Variants in PCDH15 observed in about 807,000 individuals in gnomAD.
PCDH15 encodes protocadherin-15.
A neutral mutation model predicts 178.5 loss-of-function variants in PCDH15; 129 were observed. The observed-to-expected ratio is 0.72, with a 90% CI of 0.63 to 0.84. The LOEUF (loss-of-function observed/expected upper bound fraction) is 0.84, where lower values mean the gene tolerates loss of function less well. Ranked by LOEUF, PCDH15 falls within the 40% of genes least tolerant of loss-of-function variation. PCDH15 has a pLI of 0.00. For synonymous variants in PCDH15, 800 were observed against 732.0 expected (o/e 1.09, Z -1.50); for missense variants, 2,230 against 2,099.9 (o/e 1.06, Z -1.21).
At chr10:54,523,420 A>G (rs2083077339) in intron 3 of PCDH15, among the ~76,000 whole-genome samples, 1 of 152,170 alleles carries the variant, frequency 6.6e-6, no homozygotes, top group South Asian at 2.1e-4. Flanking sequence ...AAAAGTAATT[A>G]TACATTCTTT....
At chr10:54,798,571 T>C in intron 1 of PCDH15, among the ~76,000 whole-genome samples, 1 of 152,076 alleles carries the variant, frequency 6.6e-6, no homozygotes. Context: ...CTAAGAACTC[T>C]TTTAAAAAAT....
intron 8 of PCDH15, among the ~76,000 whole-genome samples, chr10:54,316,263 T>C (rs1361576627): frequency 6.6e-6 from 1 of 152,106 alleles, no homozygotes. Context: ...AATAGATGTA[T>C]TAATATTATA....
intron 15 of PCDH15, among the ~76,000 whole-genome samples, chr10:54,100,682 G>T (rs935025470): frequency 6.6e-6 from 1 of 152,052 alleles, no homozygotes; most frequent in Non-Finnish European, 1.5e-5. Context: ...AAAAAAAATC[G>T]ATTTGTAAAG....
At chr10:54,958,899 G>C (rs1328798140) in intron 2 of PCDH15, among the ~76,000 whole-genome samples, 2 of 151,866 alleles carry the variant, frequency 1.3e-5, no homozygotes, top group Non-Finnish European at 2.9e-5. Flanking sequence ...AACTGACTCA[G>C]AATAGTTCAT....
In PCDH15 at chr10:55,547,910, T is replaced by TGTGTGTGTGAGAGAGAGA. The variant is rs541144266; in HGVS notation, c.-156+79714_-156+79715insTCTCTCTCTCACACACAC. Among the ~76,000 whole-genome samples, 80 of 54,516 alleles carry TGTGTGTGTGAGAGAGAGA rather than the reference T, an allele frequency of 1.5e-3. 2 individuals are homozygous for TGTGTGTGTGAGAGAGAGA. The highest frequency in any genetic ancestry group is 3.3e-3 in the East Asian group (6 of 1,802). 35.8% of individuals were successfully genotyped at this position (54,516 alleles called of 152,430 possible). Reference sequence around the variant, plus strand: ...TGGTGTGTGTGTCTGTGTGTGTGTGTGAGAGAGAGAGAGAGAGAGAGAGAG... The same window carrying TGTGTGTGTGAGAGAGAGA: ...TGGTGTGTGTGTCTGTGTGTGTGTGTGTGTGTGTGAGAGAGAGAGAGAGAGAGAGAGAGAGAGAGAGAG... On this transcript the variant is annotated intron_variant, in intron 2 of 5. Coordinates refer to the PCDH15 transcript ENST00000613346.
At chr10:54,368,984 A>AT (rs1218573707) in intron 5 of PCDH15, 136 bp downstream of exon 5, 50 of 972,354 alleles carry the variant, frequency 5.1e-5, no homozygotes, top group Non-Finnish European at 6.1e-5. Context: ...TCTGAGTACT[A>AT]TTTTTTTAAT....
intron 2 of PCDH15, among the ~76,000 whole-genome samples, chr10:55,526,379 A>G (rs548944643): frequency 4.6e-5 from 7 of 152,180 alleles, no homozygotes; most frequent in Admixed American, 3.9e-4. Flanking sequence ...AATTCAAAAT[A>G]TTCTTAACAT....
chr10:55,467,795 C>G (rs1048330133), intron 2 of PCDH15, among the ~76,000 whole-genome samples: 1 of 151,318 alleles, frequency 6.6e-6, no homozygotes, highest in African/African-American at 2.4e-5. Context: ...GAAACCCCGT[C>G]TCTACTAAAA....
intron 25 of PCDH15, among the ~76,000 whole-genome samples, chr10:53,917,136 T>C (rs546076236): frequency 1.1e-4 from 16 of 152,314 alleles, no homozygotes; most frequent in African/African-American, 2.9e-4. Context: ...TGAAAAGTAC[T>C]GTGTCCTATT....
intron 18 of PCDH15, among the ~76,000 whole-genome samples, chr10:54,065,445 T>G (rs942861015): frequency 5.3e-5 from 8 of 152,226 alleles, no homozygotes; most frequent in African/African-American, 1.2e-4. Flanking sequence ...GAATATTTTG[T>G]GTCCAGATTT....
intron 30 of PCDH15, 119 bp from the exon 31 acceptor site, chr10:53,828,692 G>C: frequency 4.5e-6 from 4 of 887,252 alleles, no homozygotes; most frequent in South Asian, 4.4e-5. Flanking sequence ...AATTCATAAT[G>C]ACAGAGTTAA....
intron 3 of PCDH15, among the ~76,000 whole-genome samples, chr10:54,484,270 G>A (rs2078932722): frequency 6.6e-6 from 1 of 151,884 alleles, no homozygotes; most frequent in South Asian, 2.1e-4. Flanking sequence ...CATCCTGTGT[G>A]AAGTTCTGAA....
intron 2 of PCDH15, among the ~76,000 whole-genome samples, chr10:54,539,967 C>T (rs1230065234): frequency 6.6e-6 from 1 of 152,020 alleles, no homozygotes; most frequent in Admixed American, 6.6e-5. Context: ...GAAAGACACG[C>T]AAAATACCAA....
chr10:54,724,254 G>A (rs547604736), intron 1 of PCDH15, among the ~76,000 whole-genome samples: 1,274 of 113,818 alleles, frequency 0.011, 14 homozygotes, highest in African/African-American at 0.037. Flanking sequence ...GATGGAACTA[G>A]AGGTCATTAT....
At chr10:55,450,744 G>A (rs1839416244) in intron 2 of PCDH15, among the ~76,000 whole-genome samples, 1 of 151,860 alleles carries the variant, frequency 6.6e-6, no homozygotes, top group Non-Finnish European at 1.5e-5. Flanking sequence ...ATGTGTTACT[G>A]TAGAATCTAT....
chr10:53,899,149 G>T (rs968964612), intron 26 of PCDH15, among the ~76,000 whole-genome samples: 1 of 149,368 alleles, frequency 6.7e-6, no homozygotes, highest in South Asian at 2.1e-4. Context: ...TTTCGGGGGG[G>T]GGTGGTCTAG....
At chr10:55,497,210 G>A (rs1165698393) in intron 2 of PCDH15, among the ~76,000 whole-genome samples, 3 of 151,780 alleles carry the variant, frequency 2.0e-5, no homozygotes, top group African/African-American at 7.3e-5. Flanking sequence ...ACTGGCTGTA[G>A]CCCAGACCTC....
chr10:55,280,440 A>C (rs1282443995), intron 1 of PCDH15, among the ~76,000 whole-genome samples: 2 of 141,110 alleles, frequency 1.4e-5, no homozygotes, highest in Non-Finnish European at 1.5e-5. Context: ...CACTGCACCC[A>C]GCTATTTTTT....
chr10:55,248,282 A>T (rs1170773564), intron 1 of PCDH15, among the ~76,000 whole-genome samples: 2 of 152,088 alleles, frequency 1.3e-5, no homozygotes, highest in Admixed American at 6.6e-5. Flanking sequence ...TTTGAAAAAA[A>T]CACTTATTAT....
Sources: allele counts gnomAD v4.1 joint callset (sites outside exome capture counted in the v4.1 genomes callset), GRCh38; gene constraint gnomAD v4.1.1; transcripts MANE v1.5; gene names NCBI Gene and HGNC (gene_info 2026-07-23, HGNC 2026-07-21).